Variants in DLEC1 observed in about 807,000 individuals in gnomAD.
DLEC1 encodes the protein deleted in lung and esophageal cancer protein 1.
Under a neutral mutation model 198.1 loss-of-function variants are expected in DLEC1, and 146 were observed. The ratio of observed to expected loss-of-function variants is 0.74; its 90% CI spans 0.64 to 0.85. DLEC1 has a LOEUF of 0.85. DLEC1 is among the 40% of genes least tolerant of loss of function. The pLI is 0.00. For missense variants in DLEC1, 2,233 were observed against 2,220.0 expected, an observed-to-expected ratio of 1.01 and a Z score of -0.12; for synonymous variants, 897 against 866.8, an observed-to-expected ratio of 1.03 and a Z score of -0.61.
intron 6 of DLEC1, among the ~76,000 whole-genome samples, chr3:38,077,072 G>A (rs924053468): frequency 3.9e-5 from 6 of 152,296 alleles, no homozygotes; most frequent in African/African-American, 1.4e-4. Flanking sequence ...GAACTGGGAG[G>A]ACCTAGGACA....
At chr3:38,050,940 C>CTCT (rs1553611366) in intron 2 of DLEC1, among the ~76,000 whole-genome samples, 1 of 146,794 alleles carries the variant, frequency 6.8e-6, no homozygotes, top group Non-Finnish European at 1.5e-5. Context: ...CTCTCTCTCT[C>CTCT]TTTTTTTTTT....
chr3:38,093,583 T>C, intron 11 of DLEC1, 22 bp from the exon 12 acceptor site: 1 of 1,614,042 alleles, frequency 6.2e-7, no homozygotes, highest in Middle Eastern at 1.7e-4. Flanking sequence ...CTTCACTGAC[T>C]TCACTTACTC....
chr3:38,088,490 C>T, intron 10 of DLEC1, 102 bp downstream of exon 10: 1 of 1,081,584 alleles, frequency 9.2e-7, no homozygotes. Context: ...CATATCACAG[C>T]CTTAGTGACT....
chr3:38,062,624 G>C lies in DLEC1; in HGVS notation c.917G>C (p.Arg306Pro). The C allele has an allele frequency of 6.2e-7, 1 of 1,614,132 alleles. No homozygotes were observed. Among genetic ancestry groups the C allele is most frequent in the Non-Finnish European group, 8.5e-7 (1 of 1,180,034 alleles). Residue 306 changes from arginine (R) to proline (P), a missense_variant, in exon 5 of 37, where the codon CGT (arginine) becomes CCT (proline). Physicochemically the swap from Arg to Pro is moderately radical, Grantham distance 103. Coordinates refer to ENST00000308059, the MANE Select transcript of DLEC1 (RefSeq NM_007335.4). ...PRNKNWMNHL[R>P]VPQRELDRLL... ...AATAAAAACTGGATGAACCACTTAC[G>C]TGTGCCACAGAGAGAGCTAGACAGA...
intron 13 of DLEC1, chr3:38,095,528 G>T: frequency 3.1e-6 from 1 of 323,866 alleles, no homozygotes; most frequent in Non-Finnish European, 5.8e-6. Flanking sequence ...ATTGTTAGTG[G>T]GTTTGGGGCT....
In DLEC1 at chr3:38,117,455, G is replaced by C. The variant is rs1470319420; in HGVS notation, c.4401-72G>C. The C allele has an allele frequency of 1.9e-6, 3 of 1,608,312 alleles. No individual in the cohort carries two copies. The African/African-American group carries it at 4.0e-5, about 21-fold the overall frequency. On this transcript the variant is annotated intron_variant, in intron 31 of 36. Coordinates refer to ENST00000308059, the MANE Select transcript of DLEC1 (RefSeq NM_007335.4). ...CCAGGGAAAGGCTGGCCCGAGGCTG[G>C]ATGAGCAGAGTGGGGGCAGCCAGAA...
Position 38,086,170 on chromosome 3 carries a change from A to G in DLEC1, c.1436-71A>G. ...TCCTGATCTCTGGCTGTACCTCAGGAGAAGCATGACAGTAGGGCCTATTAA... is the reference window on the plus strand; with the variant it reads ...TCCTGATCTCTGGCTGTACCTCAGGGGAAGCATGACAGTAGGGCCTATTAA... On this transcript the variant is annotated intron_variant, in intron 8 of 36. Transcript: ENST00000308059. 5 of 1,526,602 alleles carry G rather than the reference A, an allele frequency of 3.3e-6. No homozygotes were observed. In the Admixed American group the frequency reaches 6.1e-5, roughly 19 times the overall value. The allele number at this position is 1,526,602 out of a possible 1,614,324, so 94.6% of individuals were successfully genotyped here. A position where few individuals can be genotyped will look rare whatever the true frequency, so the allele number is the denominator to read the frequency against.
chr3:38,092,123 C>T (rs1230596723), intron 10 of DLEC1, among the ~76,000 whole-genome samples: 7 of 152,128 alleles, frequency 4.6e-5, no homozygotes, highest in African/African-American at 1.7e-4. Context: ...TTCATTGTGT[C>T]ATTCACAATA....
At chr3:38,057,139 G>T (rs1023246293) in intron 2 of DLEC1, among the ~76,000 whole-genome samples, 1 of 152,260 alleles carries the variant, frequency 6.6e-6, no homozygotes, top group Non-Finnish European at 1.5e-5. Context: ...TAGGGGAATG[G>T]ATAGGTAGGT....
At chr3:38,080,036 C>T (rs573336878) in intron 6 of DLEC1, among the ~76,000 whole-genome samples, 6 of 152,222 alleles carry the variant, frequency 3.9e-5, no homozygotes, top group East Asian at 3.9e-4. Flanking sequence ...GGCTGTAAAG[C>T]GTCTCAGGGT....
At chr3:38,098,963 C>T (rs1369483441) in intron 18 of DLEC1, among the ~76,000 whole-genome samples, 1 of 152,158 alleles carries the variant, frequency 6.6e-6, no homozygotes, top group Admixed American at 6.5e-5. Context: ...ATCCTGAAAC[C>T]ACAAAAGACT....
chr3:38,054,783 A>G (rs1696266996), intron 2 of DLEC1, among the ~76,000 whole-genome samples: 1 of 152,234 alleles, frequency 6.6e-6, no homozygotes, highest in Non-Finnish European at 1.5e-5. Flanking sequence ...ATTTCCCCAG[A>G]TTAAAACCAG....
At chr3:38,083,063 A>C (rs1698143924) in intron 6 of DLEC1, among the ~76,000 whole-genome samples, 1 of 151,672 alleles carries the variant, frequency 6.6e-6, no homozygotes, top group Admixed American at 6.6e-5. Flanking sequence ...AAAGAGGTTG[A>C]GGGATAGTGA....
In DLEC1 at chr3:38,121,631, G is replaced by C. The variant is rs771162817; in HGVS notation, c.4870G>C (p.Val1624Leu). The C allele has an allele frequency of 1.9e-5, 30 of 1,613,144 alleles. No homozygotes were observed. The South Asian group carries it at 3.2e-4, about 17-fold the overall frequency. ...AAGGTTGCCTGGTCTCCCACAGGTG[G>C]TGCCCCTGCGGGCTGTGGTGGCCGT... Reference protein sequence around the residue: ...LEYTNQTTQVVPLRAVVAVPE... With the variant: ...LEYTNQTTQVLPLRAVVAVPE... Residue 1624 changes from valine (V) to leucine (L), a missense_variant, in exon 35 of 37, where the codon GTG becomes CTG. Transcript: ENST00000308059.
Position 38,093,651 on chromosome 3 carries a change from A to T in DLEC1, c.1803A>T (p.Glu601Asp). The change falls in exon 12 of 37, where the codon GAA (glutamate) becomes GAT (aspartate). Residue 601 changes from glutamate (E) to aspartate (D), a missense_variant. Coordinates refer to ENST00000308059, the MANE Select transcript of DLEC1 (RefSeq NM_007335.4). ...TGGATCTGATCTATATTTCTGGTGA[A>T]AAAAGCCAGCCAGACCCTGGAGAGC... Reference protein sequence around the residue: ...IALDLIYISGEKSQPDPGELT... With the variant: ...IALDLIYISGDKSQPDPGELT... The T allele has an allele frequency of 2.5e-6, 4 of 1,614,220 alleles. No homozygotes were observed. Among genetic ancestry groups the T allele is most frequent in the Non-Finnish European group, 3.4e-6 (4 of 1,180,042 alleles).
chr3:38,117,096 G>A lies in DLEC1; in HGVS notation c.4301G>A (p.Ser1434Asn). Residue 1434 changes from serine to asparagine, a missense_variant, in exon 30 of 37, where the codon AGC (serine) becomes AAC (asparagine). Physicochemically the swap from Ser to Asn is conservative, Grantham distance 46 (BLOSUM62 1). Transcript: ENST00000308059. The part of the protein sequence containing the change: ...GYALGFMSLD[S>N]KVEREIPGKR... ...GCCCTGGGTTTCATGAGCTTGGACA[G>A]CAAGGTGAGCTCTTCCGGCCTGGGG... is the stretch of plus-strand genomic sequence containing the variant. 1 of 1,614,046 alleles carries A rather than the reference G, an allele frequency of 6.2e-7. No homozygotes were observed. Among genetic ancestry groups the A allele is most frequent in the Non-Finnish European group, 8.5e-7 (1 of 1,179,968 alleles).
At position 38,039,780 on chromosome 3, in the gene DLEC1, C is replaced by T. The variant is rs2125563249; in HGVS notation, c.411+144C>T. On this transcript the variant is annotated intron_variant, in intron 1 of 36. Coordinates refer to ENST00000308059, the MANE Select transcript of DLEC1 (RefSeq NM_007335.4). ...GCCCATCATGCCGAAGTGGGCCCGA[C>T]ATTCTAGTGGAAGGACGCTCTATCC... 5.5e-6 allele frequency: 6 copies of T among 1,100,244 alleles called. No homozygotes were observed. The East Asian group carries it at 1.3e-4, about 24-fold the overall frequency. The allele number at this position is 1,100,244 out of a possible 1,614,324, so 68.2% of individuals were successfully genotyped here.
In DLEC1 at chr3:38,059,662, G is replaced by A. The variant is rs539735169; in HGVS notation, c.563-80G>A. On this transcript the variant is annotated intron_variant, in intron 2 of 36. Transcript: ENST00000308059. ...TTTTGTTAGATAGTTTAGGCTTGGC[G>A]GATGAAGAAAGTTTGGGTGTGGGTT... 371 of 1,184,206 alleles carry A rather than the reference G, an allele frequency of 3.1e-4. 2 individuals carry two copies. In the African/African-American group the frequency reaches 3.3e-3, roughly 10 times the overall value. 73.4% of individuals were successfully genotyped at this position (1,184,206 alleles called of 1,614,324 possible).
intron 2 of DLEC1, among the ~76,000 whole-genome samples, chr3:38,055,088 A>G (rs1441767846): frequency 1.3e-5 from 2 of 152,208 alleles, no homozygotes; most frequent in African/African-American, 4.8e-5. Flanking sequence ...TTGGCTAGAG[A>G]TTTTGAATTA....
Sources: allele counts gnomAD v4.1 joint callset (sites outside exome capture counted in the v4.1 genomes callset), GRCh38; gene constraint gnomAD v4.1.1; transcripts MANE v1.5; gene names NCBI Gene and HGNC (gene_info 2026-07-23, HGNC 2026-07-21).